Variants in MIS18A observed in about 807,000 individuals in gnomAD.
MIS18A encodes the protein MIS18 kinetochore protein A.
A neutral mutation model predicts 25.0 loss-of-function variants in MIS18A; 14 were observed. The ratio of observed to expected loss-of-function variants is 0.56; its 90% CI spans 0.37 to 0.88. MIS18A has a LOEUF of 0.88. Ranked by LOEUF, MIS18A falls within the 40% of genes least tolerant of loss-of-function variation. The pLI, the probability that MIS18A is intolerant of heterozygous loss-of-function variation, is 0.00. For synonymous variants in MIS18A, 134 were observed against 118.6 expected (o/e 1.13, Z -0.84); for missense variants, 292 against 290.8 (o/e 1.00, Z -0.03).
chr21:32,217,233 A>G, the MIS18A span, among the ~76,000 whole-genome samples: 1 of 152,188 alleles, frequency 6.6e-6, no homozygotes, highest in African/African-American at 2.4e-5. Flanking sequence ...AGACACATCT[A>G]AAGAACTAAA....
At chr21:32,264,932 C>T (rs2031564720), downstream of MIS18A, among the ~76,000 whole-genome samples, 2 of 152,328 alleles carry the variant, frequency 1.3e-5, no homozygotes, top group African/African-American at 4.8e-5. Context: ...AGCACCCACA[C>T]TCTGGGATGA....
chr21:32,253,899 T>G, the MIS18A span, among the ~76,000 whole-genome samples: 2 of 151,910 alleles, frequency 1.3e-5, no homozygotes, highest in Non-Finnish European at 2.9e-5. Flanking sequence ...TTTAATAGAG[T>G]TTTTTTTAAA....
At chr21:32,196,488 T>A in the MIS18A span, among the ~76,000 whole-genome samples, 10,103 of 143,454 alleles carry the variant, frequency 0.07, 498 homozygotes, top group South Asian at 0.16. Flanking sequence ...TGAGGCAGAG[T>A]CTCTCTCTGT....
chr21:32,161,975 T>C, the MIS18A span, among the ~76,000 whole-genome samples: 2 of 152,052 alleles, frequency 1.3e-5, no homozygotes, highest in Non-Finnish European at 1.5e-5. Context: ...AAAATAATTA[T>C]AGCAACAGCT....
chr21:32,170,750 G>A, the MIS18A span, among the ~76,000 whole-genome samples: 5 of 151,946 alleles, frequency 3.3e-5, no homozygotes, highest in South Asian at 2.1e-4. Flanking sequence ...ACTAGTGAAC[G>A]AAATCAAGCA....
the MIS18A span, among the ~76,000 whole-genome samples, chr21:32,168,633 G>A: frequency 6.6e-6 from 1 of 152,218 alleles, no homozygotes; most frequent in African/African-American, 2.4e-5. Flanking sequence ...AGTGTTGTAA[G>A]GCCCTAGCAT....
At chr21:32,208,950 G>T in the MIS18A span, among the ~76,000 whole-genome samples, 5 of 152,184 alleles carry the variant, frequency 3.3e-5, no homozygotes, top group African/African-American at 1.2e-4. Context: ...GTTTAAAATG[G>T]CTAGAAATGG....
chr21:32,202,387 T>C, the MIS18A span, among the ~76,000 whole-genome samples: 2 of 152,108 alleles, frequency 1.3e-5, no homozygotes, highest in Non-Finnish European at 2.9e-5. Flanking sequence ...CTATGAAAGA[T>C]AAGAGTTTGA....
At chr21:32,197,036 A>T in the MIS18A span, among the ~76,000 whole-genome samples, 3 of 131,386 alleles carry the variant, frequency 2.3e-5, no homozygotes, top group Admixed American at 2.2e-4. Flanking sequence ...CAGCAGGATT[A>T]AAAAAAAATA....
the MIS18A span, among the ~76,000 whole-genome samples, chr21:32,236,703 G>A: frequency 6.6e-6 from 1 of 152,154 alleles, no homozygotes; most frequent in South Asian, 2.1e-4. Context: ...CCTTTTAAGG[G>A]CATGACCTGG....
chr21:32,269,388 A>G (rs2031671276), intron 4 of MIS18A, among the ~76,000 whole-genome samples: 1 of 152,242 alleles, frequency 6.6e-6, no homozygotes, highest in Non-Finnish European at 1.5e-5. Context: ...AAATGTTAAC[A>G]TCCAACAACA....
chr21:32,185,593 T>C, the MIS18A span, among the ~76,000 whole-genome samples: 2 of 152,178 alleles, frequency 1.3e-5, no homozygotes, highest in Non-Finnish European at 2.9e-5. Flanking sequence ...CATTCTCAAT[T>C]AGTGTAGAAC....
the MIS18A span, among the ~76,000 whole-genome samples, chr21:32,201,641 T>G: frequency 6.6e-6 from 1 of 152,018 alleles, no homozygotes; most frequent in Non-Finnish European, 1.5e-5. Flanking sequence ...AGCAATATAG[T>G]GAGCCCCTGT....
Position 32,278,790 on chromosome 21 carries a change from AGCC to A in MIS18A, c.222_224del (p.Ala76del). The A allele has an allele frequency of 1.3e-6, 2 of 1,584,122 alleles. No individual in the cohort carries two copies. The highest frequency in any genetic ancestry group is 1.7e-4 in the Middle Eastern group (1 of 6,026). ...GGAACACCAGCGGCCTCTCCTCCGC[AGCC>A]GCCGCCTCCTCCTCCAGCTGCGCCC... On this transcript the variant is annotated inframe_deletion, in exon 1 of 5. Coordinates refer to ENST00000290130, the MANE Select transcript of MIS18A (RefSeq NM_018944.3).
the MIS18A span, among the ~76,000 whole-genome samples, chr21:32,183,188 T>C: frequency 6.6e-6 from 1 of 152,186 alleles, no homozygotes; most frequent in African/African-American, 2.4e-5. Flanking sequence ...TGAACCAATG[T>C]CATATTTCAA....
At chr21:32,179,153 C>G in the MIS18A span, among the ~76,000 whole-genome samples, 47 of 151,816 alleles carry the variant, frequency 3.1e-4, no homozygotes, top group Non-Finnish European at 6.3e-4. Flanking sequence ...ATTCCAGTAT[C>G]TGGAATATGT....
chr21:32,165,262 G>C, the MIS18A span, among the ~76,000 whole-genome samples: 17 of 152,186 alleles, frequency 1.1e-4, no homozygotes, highest in South Asian at 3.5e-3. Context: ...GAACCCAGGA[G>C]GCGGTGAGCA....
chr21:32,166,458 G>C, the MIS18A span, among the ~76,000 whole-genome samples: 1 of 152,162 alleles, frequency 6.6e-6, no homozygotes, highest in East Asian at 1.9e-4. Context: ...AAATGAGCCT[G>C]GAGTATTGTG....
chr21:32,154,795 C>T, the MIS18A span, among the ~76,000 whole-genome samples: 1 of 152,132 alleles, frequency 6.6e-6, no homozygotes, highest in Admixed American at 6.5e-5. Context: ...GGCTGAGGAC[C>T]ATAAGAGTTA....
Sources: gnomAD v4.1 joint callset for allele counts (sites outside exome capture counted in the v4.1 genomes callset) on GRCh38, gnomAD v4.1.1 for gene constraint, MANE v1.5 for transcripts, NCBI Gene and HGNC (gene_info 2026-07-23, HGNC 2026-07-21) for gene names.